GABBR2: variants seen among roughly 807,000 people sequenced by gnomAD.
GABBR2 encodes the protein gamma-aminobutyric acid type B receptor subunit 2.
GABBR2 carries 23 observed loss-of-function variants against 105.6 expected under a neutral mutation model. That is an observed-to-expected ratio of 0.22 (90% CI 0.16 to 0.31). The LOEUF (loss-of-function observed/expected upper bound fraction) is 0.31, where lower values mean the gene tolerates loss of function less well. Ranked by LOEUF, GABBR2 falls within the 10% of genes least tolerant of loss-of-function variation. The probability of loss-of-function intolerance (pLI) is 1.00; values close to 1 mark genes in which losing one functional copy is unlikely to be tolerated. For missense variants in GABBR2, 734 were observed against 1,245.5 expected (o/e 0.59, Z 6.18); for synonymous variants, 478 against 499.7 (o/e 0.96, Z 0.58).
rs141304302 is a variant in GABBR2 at position 98,348,343 on chromosome 9, G to A, written c.1893+14372C>T. ...CTGCTTTGGTTACTATAGCTTTGTA[G>A]TATATTTTGCAGTCAAGTAGTTGAA... On this transcript the variant is annotated intron_variant, in intron 13 of 18. Coordinates refer to ENST00000259455, the MANE Select transcript of GABBR2 (RefSeq NM_005458.8). 8.5e-4 allele frequency among the ~76,000 whole-genome samples: 130 copies of A among 152,270 alleles called. 1 individual carries two copies. Among genetic ancestry groups the A allele is most frequent in the African/African-American group, 3.0e-3 (126 of 41,566 alleles).
At chr9:98,401,618 T>C (rs1832395964) in intron 8 of GABBR2, among the ~76,000 whole-genome samples, 2 of 152,114 alleles carry the variant, frequency 1.3e-5, no homozygotes, top group Admixed American at 6.5e-5. Context: ...TTTAATTATA[T>C]CAAGTTGAGT....
chr9:98,476,926 C>T (rs1826805212), intron 5 of GABBR2, among the ~76,000 whole-genome samples: 1 of 152,188 alleles, frequency 6.6e-6, no homozygotes. Context: ...GTGAGGCTCT[C>T]CTGCAAGGGA....
In GABBR2 at chr9:98,436,404, TATAG is replaced by T. The variant is rs1189293021; in HGVS notation, c.1236+17573_1236+17576del. Reference sequence around the variant, plus strand: ...ATATATATATATATATATATATATATATAGTATGGCGTTCTTTCTTCTACTACCA... The same window carrying T: ...ATATATATATATATATATATATATATTATGGCGTTCTTTCTTCTACTACCA... On this transcript the variant is annotated intron_variant, in intron 7 of 18. Transcript: ENST00000259455. Among the ~76,000 whole-genome samples the T allele has an allele frequency of 1.6e-3, 103 of 65,280 alleles. 10 individuals are homozygous for T. Among genetic ancestry groups the T allele is most frequent in the South Asian group, 2.5e-3 (4 of 1,628 alleles). The allele number at this position is 65,280 out of a possible 152,430, so 42.8% of individuals were successfully genotyped here.
intron 6 of GABBR2, among the ~76,000 whole-genome samples, chr9:98,456,687 G>A (rs1319885733): frequency 6.6e-6 from 1 of 152,172 alleles, no homozygotes; most frequent in African/African-American, 2.4e-5. Context: ...AATACAAAAA[G>A]TTGTAATCCT....
chr9:98,570,178 C>T (rs987507984), intron 2 of GABBR2, among the ~76,000 whole-genome samples: 1 of 152,186 alleles, frequency 6.6e-6, no homozygotes, highest in Non-Finnish European at 1.5e-5. Flanking sequence ...GGAGACAGCC[C>T]CATGACACAA....
chr9:98,431,923 T>G (rs990271756), intron 7 of GABBR2, among the ~76,000 whole-genome samples: 3 of 152,030 alleles, frequency 2.0e-5, no homozygotes, highest in African/African-American at 7.3e-5. Flanking sequence ...TGAGATGGAG[T>G]CTCGTTCTGC....
At chr9:98,320,025 T>A (rs977597015) in intron 13 of GABBR2, among the ~76,000 whole-genome samples, 5 of 151,914 alleles carry the variant, frequency 3.3e-5, no homozygotes, top group Non-Finnish European at 5.9e-5. Context: ...GAAACTACCA[T>A]CAGAGTGAAC....
chr9:98,566,084 G>T (rs1186476334), intron 2 of GABBR2, among the ~76,000 whole-genome samples: 1 of 152,204 alleles, frequency 6.6e-6, no homozygotes, highest in Admixed American at 6.5e-5. Flanking sequence ...ACAGCACAGA[G>T]GATGAGGCGC....
In GABBR2 at chr9:98,307,722, A is replaced by ATATC. The variant is rs1233015112; in HGVS notation, c.2005-1381_2005-1378dup. On this transcript the variant is annotated intron_variant, in intron 14 of 18. Coordinates refer to ENST00000259455, the MANE Select transcript of GABBR2 (RefSeq NM_005458.8). ...TGGACTGGGAATAATAATAATAATA[A>ATATC]TATCTATGTCACAGGGTTTGTGTGT... Among the ~76,000 whole-genome samples, 13 of 149,420 alleles carry ATATC rather than the reference A, an allele frequency of 8.7e-5. No homozygotes were observed. In the South Asian group the frequency reaches 1.7e-3, roughly 20 times the overall value.
At chr9:98,548,847 T>A (rs1828437088) in intron 2 of GABBR2, among the ~76,000 whole-genome samples, 1 of 121,980 alleles carries the variant, frequency 8.2e-6, no homozygotes, top group Non-Finnish European at 1.8e-5. Flanking sequence ...ATGAAGCTTC[T>A]AAACATCTAG....
At chr9:98,641,795 T>C (rs1829966246) in intron 1 of GABBR2, among the ~76,000 whole-genome samples, 1 of 152,152 alleles carries the variant, frequency 6.6e-6, no homozygotes, top group African/African-American at 2.4e-5. Context: ...AAATTATTAA[T>C]AGCATCTCTG....
chr9:98,675,041 G>A (rs1830456895), intron 1 of GABBR2, among the ~76,000 whole-genome samples: 1 of 152,216 alleles, frequency 6.6e-6, no homozygotes, highest in South Asian at 2.1e-4. Context: ...AGGTTCACAG[G>A]AAGCATGTGT....
chr9:98,494,746 A>T (rs927375481), intron 4 of GABBR2, among the ~76,000 whole-genome samples: 4 of 152,200 alleles, frequency 2.6e-5, no homozygotes, highest in Non-Finnish European at 4.4e-5. Context: ...AATGCACTGG[A>T]AAGGTGGCTA....
chr9:98,584,138 C>T (rs1015734527), intron 1 of GABBR2, among the ~76,000 whole-genome samples: 7 of 152,070 alleles, frequency 4.6e-5, no homozygotes, highest in African/African-American at 1.7e-4. Flanking sequence ...CCCCCCACCA[C>T]ACCTCCCCCA....
intron 2 of GABBR2, among the ~76,000 whole-genome samples, chr9:98,573,462 T>C (rs946447521): frequency 6.6e-6 from 1 of 152,134 alleles, no homozygotes; most frequent in Admixed American, 6.5e-5. Flanking sequence ...TTTATAATTT[T>C]TTGTAGAGAT....
Position 98,679,775 on chromosome 9 carries a change from G to A in GABBR2, c.321+28642C>T, listed in dbSNP as rs1299394425. ...GGAGAGGTGCCCTCTGTATACCAAGGGGAAAGGAACATCCTTATCTCTGAA... is the reference window on the plus strand; with the variant it reads ...GGAGAGGTGCCCTCTGTATACCAAGAGGAAAGGAACATCCTTATCTCTGAA... On this transcript the variant is annotated intron_variant, in intron 1 of 18. Transcript: ENST00000259455. Among the ~76,000 whole-genome samples the A allele has an allele frequency of 6.6e-5, 10 of 152,146 alleles. 1 individual carries two copies. Among genetic ancestry groups the A allele is most frequent in the Admixed American group, 5.2e-4 (8 of 15,274 alleles).
chr9:98,566,576 G>A (rs535129814), intron 2 of GABBR2, among the ~76,000 whole-genome samples: 4 of 152,212 alleles, frequency 2.6e-5, no homozygotes, highest in African/African-American at 4.8e-5. Context: ...TCGGGAGGCC[G>A]AGGCAGGAGA....
chr9:98,566,395 G>C (rs982375050), intron 2 of GABBR2, among the ~76,000 whole-genome samples: 1 of 152,162 alleles, frequency 6.6e-6, no homozygotes, highest in African/African-American at 2.4e-5. Flanking sequence ...AATATTGATG[G>C]CTGGGTGCAG....
At chr9:98,404,786 C>G (rs1832460189) in intron 8 of GABBR2, among the ~76,000 whole-genome samples, 1 of 151,972 alleles carries the variant, frequency 6.6e-6, no homozygotes, top group Admixed American at 6.6e-5. Context: ...ACAGAAAGTT[C>G]AACGCATGAC....
Sources: gnomAD v4.1 joint callset for allele counts (sites outside exome capture counted in the v4.1 genomes callset) on GRCh38, gnomAD v4.1.1 for gene constraint, MANE v1.5 for transcripts, NCBI Gene and HGNC (gene_info 2026-07-23, HGNC 2026-07-21) for gene names.